The following VCL variants were observed in gnomAD, a reference collection of about 807,000 sequenced individuals.
The protein encoded by VCL is vinculin, also known as epididymis luminal protein 114.
Under a neutral mutation model 125.7 loss-of-function variants are expected in VCL, and 47 were observed. The ratio of observed to expected loss-of-function variants is 0.37; its 90% CI spans 0.30 to 0.48. The LOEUF is 0.48. VCL is among the 20% of genes least tolerant of loss of function. The probability of loss-of-function intolerance (pLI) is 0.99; values close to 1 mark genes in which losing one functional copy is unlikely to be tolerated. For synonymous variants in VCL, 458 were observed against 514.6 expected (o/e 0.89, Z 1.49); for missense variants, 1,069 against 1,455.5 (o/e 0.73, Z 4.32).
At chr10:74,082,662 G>T (rs1839696469) in intron 7 of VCL, 118 bp downstream of exon 7, 1 of 1,040,052 alleles carries the variant, frequency 9.6e-7, no homozygotes. Context: ...AACATTATGG[G>T]GCATACCCCA....
Position 74,071,224 on chromosome 10 carries a change from T to C in VCL, c.499+141T>C, listed in dbSNP as rs1841659207. ...CAGGTGTCTGCTCTGTTGATGGAGA[T>C]GATGCTGTGCTTTGAGGTGATGTCA... On this transcript the variant is annotated intron_variant, in intron 4 of 21. Coordinates refer to ENST00000211998, the MANE Select transcript of VCL (RefSeq NM_014000.3). The surrounding 1 kb of genome is among the most constrained non-coding windows in gnomAD (Gnocchi z 4.1). The C allele has an allele frequency of 2.6e-6, 2 of 768,098 alleles. No individual in the cohort carries two copies. Among genetic ancestry groups the C allele is most frequent in the Non-Finnish European group, 4.6e-6 (2 of 438,036 alleles). 47.6% of individuals were successfully genotyped at this position (768,098 alleles called of 1,614,324 possible).
At chr10:74,012,354 G>T (rs1840451207) in intron 1 of VCL, among the ~76,000 whole-genome samples, 1 of 152,158 alleles carries the variant, frequency 6.6e-6, no homozygotes, top group Non-Finnish European at 1.5e-5. Flanking sequence ...AAAGTTACTT[G>T]TCAAACTCCA....
intron 14 of VCL, among the ~76,000 whole-genome samples, chr10:74,102,956 T>A (rs1246149169): frequency 6.6e-6 from 1 of 151,926 alleles, no homozygotes; most frequent in Non-Finnish European, 1.5e-5. Flanking sequence ...AACCTCCGCC[T>A]CCGGGGTTCA....
At chr10:74,078,273 G>C (rs1839623251) in intron 6 of VCL, among the ~76,000 whole-genome samples, 1 of 152,122 alleles carries the variant, frequency 6.6e-6, no homozygotes, top group Middle Eastern at 3.2e-3. Context: ...CTGGGCTGGT[G>C]GTGGGTAAAA....
intron 1 of VCL, among the ~76,000 whole-genome samples, chr10:74,018,311 G>A (rs561587071): frequency 2.2e-4 from 34 of 151,198 alleles, no homozygotes; most frequent in African/African-American, 7.5e-4. Flanking sequence ...ACCTGCCTTG[G>A]CCTCCCAAAG....
chr10:74,120,392 A>C (rs529763649), downstream of VCL: 1 of 152,358 alleles, frequency 6.6e-6, no homozygotes, highest in South Asian at 2.1e-4. Flanking sequence ...GGAAGTGGCA[A>C]AGGTTAACAG....
At chr10:74,105,585 T>C (rs908897083) in intron 16 of VCL, among the ~76,000 whole-genome samples, 2 of 152,192 alleles carry the variant, frequency 1.3e-5, no homozygotes, top group African/African-American at 4.8e-5. Flanking sequence ...TCTTTTTTTT[T>C]TGAGACTCTC....
intron 1 of VCL, among the ~76,000 whole-genome samples, chr10:74,030,228 AC>A (rs1230854214): frequency 2.0e-5 from 3 of 152,196 alleles, no homozygotes; most frequent in Non-Finnish European, 4.4e-5. Context: ...AGAAGTTACT[AC>A]CATCTTCAAC....
intron 8 of VCL, among the ~76,000 whole-genome samples, chr10:74,086,912 T>C (rs1342063408): frequency 6.6e-6 from 1 of 152,192 alleles, no homozygotes; most frequent in African/African-American, 2.4e-5. Context: ...AGGTTGCTAG[T>C]ATATATTTTT....
rs141438561 is a variant in VCL, at chr10:74,091,142, A to C, written c.1352+944A>C. 2.2e-3 allele frequency among the ~76,000 whole-genome samples: 334 copies of C among 152,304 alleles called. 2 individuals carry two copies. Among genetic ancestry groups the C allele is most frequent in the African/African-American group, 7.6e-3 (316 of 41,550 alleles). On this transcript the variant is annotated intron_variant, in intron 10 of 21. Coordinates refer to ENST00000211998, the MANE Select transcript of VCL (RefSeq NM_014000.3). ...AGATATTTTTCACTTTTAAGAAAAA[A>C]ACCCCTGCAGCACATGCTAAAATAA...
chr10:74,095,551 A>T (rs1839954757), intron 11 of VCL, 105 bp from the exon 12 acceptor site: 6 of 1,454,114 alleles, frequency 4.1e-6, no homozygotes, highest in Non-Finnish European at 5.7e-6. Context: ...GTTCCACTGC[A>T]CTCCAGCTTG....
At chr10:74,106,723 TAGTAG>T (rs1840141444) in intron 16 of VCL, among the ~76,000 whole-genome samples, 3 of 152,214 alleles carry the variant, frequency 2.0e-5, no homozygotes, top group Admixed American at 6.5e-5. Flanking sequence ...GAGTTTCTAA[TAGTAG>T]AGTAGATTCC....
chr10:74,052,094 A>G (rs1398747479), intron 2 of VCL, among the ~76,000 whole-genome samples: 1 of 152,114 alleles, frequency 6.6e-6, no homozygotes, highest in Admixed American at 6.5e-5. Context: ...AGTTGTTGCC[A>G]TGGAAAGGGG....
At chr10:74,000,842 A>G (rs945305097) in intron 1 of VCL, among the ~76,000 whole-genome samples, 5 of 152,220 alleles carry the variant, frequency 3.3e-5, no homozygotes, top group Admixed American at 2.0e-4. Context: ...AATGATATGT[A>G]GTTAAGTTAT....
At chr10:74,016,682 A>G (rs1217330700) in intron 1 of VCL, 1 of 152,216 alleles carries the variant, frequency 6.6e-6, no homozygotes, top group Non-Finnish European at 1.5e-5. Context: ...TAAAATGTAC[A>G]TAATATTAGC....
At chr10:74,083,560 C>T in intron 8 of VCL, 47 bp downstream of exon 8, 1 of 1,606,770 alleles carries the variant, frequency 6.2e-7, no homozygotes, top group South Asian at 1.1e-5. Context: ...TAACTCACTC[C>T]TAACAGGGTG....
chr10:74,011,936 C>A (rs1840444218), intron 1 of VCL, among the ~76,000 whole-genome samples: 1 of 152,154 alleles, frequency 6.6e-6, no homozygotes, highest in African/African-American at 2.4e-5. Context: ...TAGAGAATTT[C>A]CCACTGATAA....
intron 1 of VCL, among the ~76,000 whole-genome samples, chr10:74,008,854 C>G (rs150181994): frequency 5.6e-4 from 85 of 152,294 alleles, no homozygotes; most frequent in African/African-American, 1.8e-3. Context: ...TGAGGAAGGT[C>G]CATTCAGTCA....
chr10:74,011,165 CAAAAAAAAAAAAA>C (rs71021585), intron 1 of VCL, among the ~76,000 whole-genome samples: 4 of 52,326 alleles, frequency 7.6e-5, no homozygotes, highest in South Asian at 9.8e-4. Flanking sequence ...AACTCTATCT[CAAAAAAAAAAAAA>C]AAAAAAAAAA....
Sources: gnomAD v4.1 joint callset for allele counts (sites outside exome capture counted in the v4.1 genomes callset) on GRCh38, gnomAD v4.1.1 for gene constraint, Gnocchi (gnomAD v3.1) non-coding constraint, MANE v1.5 for transcripts, NCBI Gene and HGNC (gene_info 2026-07-23, HGNC 2026-07-21) for gene names.